C16orf95: variants seen among roughly 807,000 people sequenced by gnomAD.
C16orf95 encodes chromosome 16 open reading frame 95.
C16orf95 carries 41 observed loss-of-function variants against 32.1 expected under a neutral mutation model. The ratio of observed to expected loss-of-function variants is 1.28; its 90% CI spans 1.00 to 1.66. C16orf95 has a LOEUF of 1.66. C16orf95 is among the 40% of genes most tolerant of loss of function. The probability of loss-of-function intolerance (pLI) is 0.00; values close to 1 mark genes in which losing one functional copy is unlikely to be tolerated. For synonymous variants in C16orf95, 147 were observed against 128.9 expected (o/e 1.14, Z -0.95); for missense variants, 399 against 325.9 (o/e 1.22, Z -1.73).
intron 4 of C16orf95, 58 bp downstream of exon 4, chr16:87,311,092 T>A: frequency 2.9e-6 from 4 of 1,376,890 alleles, no homozygotes; most frequent in Non-Finnish European, 3.8e-6. Context: ...CCATCTCCCC[T>A]TCCCCCGGCC....
intron 5 of C16orf95, among the ~76,000 whole-genome samples, chr16:87,309,694 A>G (rs1448911117): frequency 6.6e-6 from 1 of 151,922 alleles, no homozygotes; most frequent in Non-Finnish European, 1.5e-5. Flanking sequence ...TATTATATGC[A>G]TTTTCCATAA....
intron 5 of C16orf95, among the ~76,000 whole-genome samples, chr16:87,306,935 G>A (rs1317313100): frequency 6.6e-6 from 1 of 152,178 alleles, no homozygotes; most frequent in Non-Finnish European, 1.5e-5. Flanking sequence ...AAGATGCAAA[G>A]GTTTCAAAGC....
chr16:87,305,000 G>A (rs948625749), intron 6 of C16orf95, among the ~76,000 whole-genome samples: 8 of 152,238 alleles, frequency 5.3e-5, no homozygotes, highest in African/African-American at 1.7e-4. Flanking sequence ...GTGTGATGCA[G>A]GCCCCCAGGC....
At chr16:87,313,691 G>A (rs1911384741) in intron 3 of C16orf95, among the ~76,000 whole-genome samples, 1 of 152,146 alleles carries the variant, frequency 6.6e-6, no homozygotes, top group Non-Finnish European at 1.5e-5. Context: ...CCATGATTGT[G>A]CACTCCAATC....
intron 3 of C16orf95, among the ~76,000 whole-genome samples, chr16:87,314,465 T>C (rs1904302304): frequency 6.6e-6 from 1 of 152,174 alleles, no homozygotes; most frequent in South Asian, 2.1e-4. Context: ...CAAATTAATC[T>C]ACAGTGACAG....
rs79960227 is a variant in C16orf95, at chr16:87,315,130, T to C, written c.205-34A>G. On this transcript the variant is annotated intron_variant, in intron 2 of 6. Transcript: ENST00000567970. ...GATCCAGAAATGACAGAACTGAGCT[T>C]GATGCTGCATTTGCAGGGAGACAGG... is the stretch of plus-strand genomic sequence containing the variant. The C allele has an allele frequency of 6.3e-4, 962 of 1,532,582 alleles. 9 individuals carry two copies. In the African/African-American group the frequency reaches 0.012, roughly 20 times the overall value. 94.9% of individuals were successfully genotyped at this position (1,532,582 alleles called of 1,614,324 possible).
chr16:87,315,770 A>G lies in C16orf95; in HGVS notation c.204+2T>C. On this transcript the variant is annotated splice_donor_variant, in intron 2 of 6. Transcript: ENST00000567970. LOFTEE classifies it high-confidence loss of function. The stretch of plus-strand genomic sequence containing the variant: ...CAGTGGCTGAGGATTTGCTTTCCTT[A>G]CCGAATGACGGGGGAGGCACACTTC... The G allele has an allele frequency of 6.5e-7, 1 of 1,529,144 alleles. No individual in the cohort carries two copies. The allele number at this position is 1,529,144 out of a possible 1,614,324, so 94.7% of individuals were successfully genotyped here.
intron 2 of C16orf95, 71 bp from the exon 3 acceptor site, chr16:87,315,167 C>T: frequency 6.9e-7 from 1 of 1,454,618 alleles, no homozygotes; most frequent in Non-Finnish European, 9.2e-7. Context: ...GGCTCTCAAG[C>T]ACAGTAGATC....
rs1480434855 is a variant in C16orf95 at position 87,302,843 on chromosome 16, C to T, written c.*214G>A. On this transcript the variant is annotated 3_prime_UTR_variant, in exon 7 of 7. Transcript: ENST00000567970. ...GAGTTTCACAAATAACATTTATTGACCACATTCATAACAGAAACTCACCCA... is the reference window on the plus strand; with the variant it reads ...GAGTTTCACAAATAACATTTATTGATCACATTCATAACAGAAACTCACCCA... 1 of 585,822 alleles carries T rather than the reference C, an allele frequency of 1.7e-6. No individual in the cohort carries two copies. Among genetic ancestry groups the T allele is most frequent in the African/African-American group, 1.9e-5 (1 of 53,694 alleles). The allele number at this position is 585,822 out of a possible 1,614,324, so 36.3% of individuals were successfully genotyped here.
intron 5 of C16orf95, among the ~76,000 whole-genome samples, chr16:87,306,359 G>T (rs188926539): frequency 1.3e-5 from 2 of 152,212 alleles, no homozygotes; most frequent in East Asian, 3.9e-4. Flanking sequence ...AGCACGGATG[G>T]AATTCCAACG....
Position 87,302,981 on chromosome 16 carries a change from G to A in C16orf95, c.*76C>T, listed in dbSNP as rs933263314. 2.1e-6 allele frequency: 3 copies of A among 1,445,250 alleles called. No individual in the cohort carries two copies. Among genetic ancestry groups the A allele is most frequent in the Non-Finnish European group, 9.4e-7 (1 of 1,063,834 alleles). The allele number at this position is 1,445,250 out of a possible 1,614,324, so 89.5% of individuals were successfully genotyped here. A position where few individuals can be genotyped will look rare whatever the true frequency, so the allele number is the denominator to read the frequency against. ...ACAGCGACTGTCACAGACGCCTCCT[G>A]ATTGGTGGACTCTCAAAGATCTTGA... On this transcript the variant is annotated 3_prime_UTR_variant, in exon 7 of 7. Coordinates refer to ENST00000567970, the MANE Select transcript of C16orf95 (RefSeq NM_001195124.3).
rs1423870140 is a variant in C16orf95 at position 87,317,151 on chromosome 16, G to C, written c.92C>G (p.Pro31Arg). ...GAASGAAAGG[P>R]GAGCVGLCRL... Reference sequence around the variant, plus strand: ...GCAGAGCCCGACGCACCCCGCGCCCGGCCCCCCGGCAGCAGCGCCTGAGGC... The same window carrying C: ...GCAGAGCCCGACGCACCCCGCGCCCCGCCCCCCGGCAGCAGCGCCTGAGGC... The change falls in exon 1 of 7, where the codon CCG becomes CGG. Residue 31 changes from proline to arginine, a missense_variant. Pro to Arg is a moderately radical substitution (Grantham distance 103). Coordinates refer to ENST00000567970, the MANE Select transcript of C16orf95 (RefSeq NM_001195124.3). 1 of 1,532,380 alleles carries C rather than the reference G, an allele frequency of 6.5e-7. No homozygotes were observed. Among genetic ancestry groups the C allele is most frequent in the Admixed American group, 2.0e-5 (1 of 50,508 alleles). 94.9% of individuals were successfully genotyped at this position (1,532,380 alleles called of 1,614,324 possible).
chr16:87,315,687 C>G (rs1016343338), intron 2 of C16orf95, 85 bp downstream of exon 2: 10 of 1,071,554 alleles, frequency 9.3e-6, no homozygotes, highest in African/African-American at 3.2e-5. Flanking sequence ...TGGGATGCAG[C>G]TTCTGGACCC....
chr16:87,316,942 A>T, intron 1 of C16orf95, 149 bp downstream of exon 1: 1 of 1,225,058 alleles, frequency 8.2e-7, no homozygotes, highest in Non-Finnish European at 1.1e-6. Context: ...TGGAACCATC[A>T]GTTGCGTTTT....
chr16:87,305,941 G>A lies in C16orf95; in HGVS notation c.515-36C>T. On this transcript the variant is annotated intron_variant, in intron 5 of 6. Coordinates refer to ENST00000567970, the MANE Select transcript of C16orf95 (RefSeq NM_001195124.3). The surrounding 1 kb of genome is among the most constrained non-coding windows in gnomAD (Gnocchi z 4.2). ...AAAAGGTGGGTTGAGGACAGGGCGT[G>A]TTCTCCGGGACTCTGTGAGCCACGA... 1 of 1,382,328 alleles carries A rather than the reference G, an allele frequency of 7.2e-7. No individual in the cohort carries two copies. Among genetic ancestry groups the A allele is most frequent in the Non-Finnish European group, 9.3e-7 (1 of 1,069,792 alleles). The allele number at this position is 1,382,328 out of a possible 1,614,324, so 85.6% of individuals were successfully genotyped here.
chr16:87,312,703 C>A (rs1911340935), intron 3 of C16orf95, among the ~76,000 whole-genome samples: 3 of 151,838 alleles, frequency 2.0e-5, no homozygotes, highest in African/African-American at 7.3e-5. Context: ...GTGTATCAAG[C>A]AAGAAAAATA....
Position 87,305,962 on chromosome 16 carries a change from C to G in C16orf95, c.515-57G>C, listed in dbSNP as rs1010053900. 1.5e-5 allele frequency: 20 copies of G among 1,305,308 alleles called. No homozygotes were observed. The African/African-American group carries it at 2.6e-4, about 17-fold the overall frequency. 80.9% of individuals were successfully genotyped at this position (1,305,308 alleles called of 1,614,324 possible). On this transcript the variant is annotated intron_variant, in intron 5 of 6. Coordinates refer to ENST00000567970, the MANE Select transcript of C16orf95 (RefSeq NM_001195124.3). This position sits in a 1 kb window ranked among gnomAD's most constrained non-coding sequence, Gnocchi z 4.2. ...GCGTGTTCTCCGGGACTCTGTGAGC[C>G]ACGAGGAGGCTGCAACACCAGCCCC...
intron 5 of C16orf95, among the ~76,000 whole-genome samples, chr16:87,308,513 AATAAAT>A (rs1368623579): frequency 9.2e-5 from 12 of 130,904 alleles, no homozygotes; most frequent in African/African-American, 2.5e-4. Context: ...TAAATAAATA[AATAAAT>A]AAGCAGATGT....
At chr16:87,310,445 A>G in intron 4 of C16orf95, 112 bp from the exon 5 acceptor site, 1 of 1,042,570 alleles carries the variant, frequency 9.6e-7, no homozygotes. Flanking sequence ...TCAAGATAAA[A>G]GCCAAGGGCT....
Sources: gnomAD v4.1 joint callset for allele counts (sites outside exome capture counted in the v4.1 genomes callset) on GRCh38, gnomAD v4.1.1 for gene constraint, Gnocchi (gnomAD v3.1) non-coding constraint, MANE v1.5 for transcripts, NCBI Gene and HGNC (gene_info 2026-07-23, HGNC 2026-07-21) for gene names.